Variants in PPP3CB observed in about 807,000 individuals in gnomAD.
PPP3CB encodes the protein protein phosphatase 3 catalytic subunit beta.
PPP3CB carries 8 observed loss-of-function variants against 66.4 expected under a neutral mutation model. The ratio of observed to expected loss-of-function variants is 0.12; its 90% CI spans 0.07 to 0.22. The LOEUF (loss-of-function observed/expected upper bound fraction) is 0.22. Ranked by LOEUF, PPP3CB falls within the 10% of genes least tolerant of loss-of-function variation. The pLI is 1.00. For synonymous variants in PPP3CB, 208 were observed against 221.2 expected (o/e 0.94, Z 0.53); for missense variants, 319 against 642.5 (o/e 0.50, Z 5.44).
intron 1 of PPP3CB, among the ~76,000 whole-genome samples, chr10:73,489,643 C>T (rs936894971): frequency 3.3e-5 from 5 of 152,152 alleles, no homozygotes; most frequent in Non-Finnish European, 5.9e-5. Context: ...AGGATTCAAA[C>T]CCAGGCAGTC....
chr10:73,468,745 G>A (rs2056658843), intron 8 of PPP3CB, among the ~76,000 whole-genome samples: 1 of 152,026 alleles, frequency 6.6e-6, no homozygotes, highest in Non-Finnish European at 1.5e-5. Flanking sequence ...AACTTAATAA[G>A]TATATGTTTG....
At chr10:73,478,747 T>C in intron 2 of PPP3CB, 124 bp from the exon 3 acceptor site, 1 of 795,326 alleles carries the variant, frequency 1.3e-6, no homozygotes, top group Non-Finnish European at 2.0e-6. Context: ...GAGAAGGAAG[T>C]AGTCTATGAA....
At chr10:73,462,121 C>G (rs555001191) in intron 9 of PPP3CB, among the ~76,000 whole-genome samples, 1 of 148,594 alleles carries the variant, frequency 6.7e-6, no homozygotes, top group Non-Finnish European at 1.5e-5. Context: ...TGCAGAACCA[C>G]GAGCCAATTA....
At chr10:73,449,190 G>T (rs2056307148) in intron 10 of PPP3CB, among the ~76,000 whole-genome samples, 1 of 152,164 alleles carries the variant, frequency 6.6e-6, no homozygotes, top group Non-Finnish European at 1.5e-5. Flanking sequence ...AGAAATGTAG[G>T]TAACTTTATA....
At chr10:73,479,822 T>C (rs1054580376) in intron 1 of PPP3CB, among the ~76,000 whole-genome samples, 12 of 152,178 alleles carry the variant, frequency 7.9e-5, no homozygotes, top group African/African-American at 2.7e-4. Flanking sequence ...TCTCAAAATA[T>C]TGTATTATAG....
At chr10:73,482,609 A>G (rs574483486) in intron 1 of PPP3CB, among the ~76,000 whole-genome samples, 1 of 150,408 alleles carries the variant, frequency 6.6e-6, no homozygotes, top group Admixed American at 6.6e-5. Context: ...TACATGATGA[A>G]TATTTCCTAT....
chr10:73,447,441 T>C (rs1053934338), intron 10 of PPP3CB, among the ~76,000 whole-genome samples: 8 of 152,176 alleles, frequency 5.3e-5, no homozygotes, highest in African/African-American at 1.7e-4. Context: ...ATTTCATATA[T>C]AGCAACTAGA....
chr10:73,445,655 C>T (rs544353743), intron 11 of PPP3CB, among the ~76,000 whole-genome samples: 1 of 151,722 alleles, frequency 6.6e-6, no homozygotes, highest in East Asian at 2.0e-4. Context: ...CGCCATGTTT[C>T]CTAGCCTGGT....
chr10:73,471,671 A>ATATT lies in PPP3CB; in HGVS notation c.524-59_524-58insAATA, dbSNP rs1383617127. The ATATT allele has an allele frequency of 3.0e-6, 4 of 1,320,874 alleles. No individual in the cohort carries two copies. The Admixed American group carries it at 9.2e-5, about 30-fold the overall frequency. 81.8% of individuals were successfully genotyped at this position (1,320,874 alleles called of 1,614,324 possible). ...TTACTGGTGGTGGTGTGACCATTTT[A>ATATT]AAAACATATATATTAGATTTTTATT... is the stretch of plus-strand genomic sequence containing the variant. On this transcript the variant is annotated intron_variant, in intron 4 of 13. Transcript: ENST00000360663.
intron 3 of PPP3CB, chr10:73,477,275 C>T: frequency 2.0e-6 from 1 of 511,376 alleles, no homozygotes; most frequent in Non-Finnish European, 3.9e-6. Flanking sequence ...CACAATTCTA[C>T]CTCTAGGAAT....
intron 9 of PPP3CB, among the ~76,000 whole-genome samples, chr10:73,464,760 C>T (rs1007232502): frequency 3.3e-5 from 5 of 151,894 alleles, no homozygotes; most frequent in African/African-American, 1.2e-4. Context: ...GGTGAAACCC[C>T]GTCTCTACTA....
intron 9 of PPP3CB, among the ~76,000 whole-genome samples, chr10:73,461,334 C>A (rs2056517797): frequency 6.6e-6 from 1 of 152,010 alleles, no homozygotes; most frequent in Non-Finnish European, 1.5e-5. Context: ...GTAGTCCCAG[C>A]TATTTGGGGG....
chr10:73,446,593 T>G lies in PPP3CB; in HGVS notation c.1187-20A>C. The G allele has an allele frequency of 6.2e-7, 1 of 1,606,410 alleles. No homozygotes were observed. The highest frequency in any genetic ancestry group is 8.5e-7 in the Non-Finnish European group (1 of 1,173,262). On this transcript the variant is annotated intron_variant, in intron 10 of 13. Coordinates refer to ENST00000360663, the MANE Select transcript of PPP3CB (RefSeq NM_021132.4). ...CTGAACCTACTTTCAATGGAATAAA[T>G]AGAGAGAAAGGCTCAAGTTTAGGGC...
At chr10:73,445,747 C>A (rs919699126) in intron 11 of PPP3CB, among the ~76,000 whole-genome samples, 1 of 140,772 alleles carries the variant, frequency 7.1e-6, no homozygotes, top group Non-Finnish European at 1.5e-5. Context: ...GGCCTAAGTA[C>A]CCTTTTTTTT....
Position 73,454,400 on chromosome 10 carries a change from G to C in PPP3CB, c.1186+12C>G. On this transcript the variant is annotated intron_variant, in intron 10 of 13. Transcript: ENST00000360663. ...ACAGTAAAAAAAAAAATAGTAAGAT[G>C]AATAATCATACCATCAAACTGGTCT... 2 of 1,582,086 alleles carry C rather than the reference G, an allele frequency of 1.3e-6. No individual in the cohort carries two copies. Among genetic ancestry groups the C allele is most frequent in the Non-Finnish European group, 8.7e-7 (1 of 1,153,906 alleles).
chr10:73,448,277 A>G (rs2056291411), intron 10 of PPP3CB, among the ~76,000 whole-genome samples: 2 of 152,186 alleles, frequency 1.3e-5, no homozygotes, highest in Admixed American at 6.5e-5. Context: ...CACTGTACAA[A>G]TCAGGATTTT....
intron 1 of PPP3CB, among the ~76,000 whole-genome samples, chr10:73,491,997 T>TAAAC (rs969098489): frequency 7.3e-5 from 11 of 150,496 alleles, no homozygotes; most frequent in South Asian, 2.1e-4. Context: ...AATAAATAAA[T>TAAAC]AAACAAAAAG....
chr10:73,483,543 G>A (rs2056918682), intron 1 of PPP3CB, among the ~76,000 whole-genome samples: 1 of 152,068 alleles, frequency 6.6e-6, no homozygotes, highest in Admixed American at 6.6e-5. Context: ...TGTTGTCCCA[G>A]CTACTCAGGA....
chr10:73,464,179 C>G (rs2056578493), intron 9 of PPP3CB, among the ~76,000 whole-genome samples: 1 of 152,174 alleles, frequency 6.6e-6, no homozygotes, highest in Admixed American at 6.5e-5. Context: ...CCACCCACCT[C>G]AGCCTCCCAA....
Sources: allele counts gnomAD v4.1 joint callset (sites outside exome capture counted in the v4.1 genomes callset), GRCh38; gene constraint gnomAD v4.1.1; transcripts MANE v1.5; gene names NCBI Gene and HGNC (gene_info 2026-07-23, HGNC 2026-07-21).